Variants in ATP10B observed in about 807,000 individuals in gnomAD.
The protein encoded by ATP10B is phospholipid-transporting ATPase VB.
In ATP10B, 122 loss-of-function variants were observed where a neutral mutation model predicts 141.2. The ratio of observed to expected loss-of-function variants is 0.86; its 90% CI spans 0.75 to 1.00. ATP10B has a LOEUF of 1.00. ATP10B is among the 50% of genes least tolerant of loss of function. The pLI is 0.00. For synonymous variants in ATP10B, 685 were observed against 692.0 expected, an observed-to-expected ratio of 0.99 and a Z score of 0.16; for missense variants, 1,876 against 1,825.3, an observed-to-expected ratio of 1.03 and a Z score of -0.51.
chr5:160,875,312 T>C, the ATP10B span, among the ~76,000 whole-genome samples: 1 of 78,886 alleles, frequency 1.3e-5, no homozygotes, highest in Admixed American at 1.3e-4. Flanking sequence ...AGAAATAAAA[T>C]ACTTTACAGA....
At chr5:160,919,223 C>CAAAAAAAAAATAAA in the ATP10B span, among the ~76,000 whole-genome samples, 1 of 26,964 alleles carries the variant, frequency 3.7e-5, no homozygotes, top group Non-Finnish European at 6.2e-5. Flanking sequence ...AACTCCGTCT[C>CAAAAAAAAAATAAA]AAAAAAAAAA....
chr5:160,861,446 T>A, the ATP10B span, among the ~76,000 whole-genome samples: 1 of 151,924 alleles, frequency 6.6e-6, no homozygotes, highest in Non-Finnish European at 1.5e-5. Context: ...TGAATACTGA[T>A]GTTGAAATGT....
intron 1 of ATP10B, among the ~76,000 whole-genome samples, chr5:160,847,866 C>T (rs534342344): frequency 5.9e-5 from 9 of 152,200 alleles, no homozygotes; most frequent in Middle Eastern, 3.4e-3. Flanking sequence ...TTTCTAGTGT[C>T]GGTATTGCTT....
intron 1 of ATP10B, among the ~76,000 whole-genome samples, chr5:160,786,963 G>T (rs1027118919): frequency 1.3e-5 from 2 of 151,930 alleles, no homozygotes; most frequent in Non-Finnish European, 2.9e-5. Flanking sequence ...CTCTCTGGTG[G>T]CCTGTGACTA....
chr5:160,926,799 C>A, the ATP10B span, among the ~76,000 whole-genome samples: 1 of 152,216 alleles, frequency 6.6e-6, no homozygotes, highest in Non-Finnish European at 1.5e-5. Context: ...AAAAAGAAAT[C>A]CTGCCTAGAA....
At chr5:160,751,140 T>C (rs1299385038) in intron 2 of ATP10B, among the ~76,000 whole-genome samples, 1 of 152,240 alleles carries the variant, frequency 6.6e-6, no homozygotes, top group Non-Finnish European at 1.5e-5. Flanking sequence ...ATGTGCATTA[T>C]TAAGCACAGC....
chr5:160,912,475 T>C, the ATP10B span, among the ~76,000 whole-genome samples: 32 of 148,858 alleles, frequency 2.1e-4, no homozygotes, highest in Admixed American at 1.8e-3. Flanking sequence ...GGTGCACACC[T>C]GTAGTCCCAG....
intron 2 of ATP10B, among the ~76,000 whole-genome samples, chr5:160,766,045 TA>T (rs899262976): frequency 7.3e-5 from 11 of 151,550 alleles, no homozygotes; most frequent in Admixed American, 1.3e-4. Context: ...CATTTAAAAA[TA>T]AAAAAAATAG....
chr5:160,602,704 T>C lies in ATP10B; in HGVS notation c.3238-2A>G. The C allele has an allele frequency of 6.2e-7, 1 of 1,613,700 alleles. No individual in the cohort carries two copies. Among genetic ancestry groups the C allele is most frequent in the Non-Finnish European group, 8.5e-7 (1 of 1,179,688 alleles). Reference sequence around the variant, plus strand: ...GGCAAAGTCGCTGGACATGACAGCCTGAGAGGTGAGAACAGACACATCAGC... The same window carrying C: ...GGCAAAGTCGCTGGACATGACAGCCCGAGAGGTGAGAACAGACACATCAGC... On this transcript the variant is annotated splice_acceptor_variant, in intron 20 of 25. Coordinates refer to ENST00000327245, the MANE Select transcript of ATP10B (RefSeq NM_025153.3). LOFTEE classifies it high-confidence loss of function.
chr5:160,574,389 C>T (rs551404858), intron 24 of ATP10B, among the ~76,000 whole-genome samples: 5 of 152,226 alleles, frequency 3.3e-5, no homozygotes, highest in South Asian at 2.1e-4. Context: ...GCCCAGATTG[C>T]GCCACTGCAC....
rs533727381 is a variant in ATP10B at position 160,838,982 on chromosome 5, G to T, written c.-576+12959C>A. ...TTCTCCCTCTCTTGCTCCCACTCTTGCCATGTGAGGTGCAAGCTCCTGCTT... is the reference window on the plus strand; with the variant it reads ...TTCTCCCTCTCTTGCTCCCACTCTTTCCATGTGAGGTGCAAGCTCCTGCTT... On this transcript the variant is annotated intron_variant, in intron 1 of 25. Transcript: ENST00000327245. Among the ~76,000 whole-genome samples, 8 of 152,210 alleles carry T rather than the reference G, an allele frequency of 5.3e-5. No homozygotes were observed. In the South Asian group the frequency reaches 1.7e-3, roughly 32 times the overall value.
intron 2 of ATP10B, among the ~76,000 whole-genome samples, chr5:160,773,466 A>T (rs1399094414): frequency 6.6e-6 from 1 of 152,162 alleles, no homozygotes; most frequent in African/African-American, 2.4e-5. Flanking sequence ...TTTCTGGGGT[A>T]ATTTCCAGCT....
intron 1 of ATP10B, among the ~76,000 whole-genome samples, chr5:160,817,907 C>T (rs1773784080): frequency 6.6e-6 from 1 of 152,176 alleles, no homozygotes. Flanking sequence ...GAAACGATTC[C>T]CTATTTAATA....
At chr5:160,771,561 T>C (rs986273490) in intron 2 of ATP10B, among the ~76,000 whole-genome samples, 5 of 152,242 alleles carry the variant, frequency 3.3e-5, no homozygotes, top group Middle Eastern at 3.2e-3. Flanking sequence ...CTCAACGTGA[T>C]ATTTTGATGT....
At chr5:160,893,953 C>T in the ATP10B span, among the ~76,000 whole-genome samples, 112 of 152,248 alleles carry the variant, frequency 7.4e-4, no homozygotes, top group Non-Finnish European at 1.2e-3. Context: ...GCAGAGGGGG[C>T]TGACTCTTAG....
chr5:160,739,019 CA>C (rs1767293987), intron 2 of ATP10B, among the ~76,000 whole-genome samples: 1 of 151,964 alleles, frequency 6.6e-6, no homozygotes, highest in Non-Finnish European at 1.5e-5. Context: ...TCCAGGAAAT[CA>C]AGGTTGGATT....
intron 2 of ATP10B, 100 bp downstream of exon 2, chr5:160,785,459 A>G: frequency 3.0e-6 from 1 of 328,458 alleles, no homozygotes; most frequent in Non-Finnish European, 5.9e-6. Flanking sequence ...TTTAATTTAG[A>G]CTCAGAGGGT....
intron 22 of ATP10B, 30 bp from the exon 23 acceptor site, chr5:160,591,169 C>A: frequency 6.3e-7 from 1 of 1,590,096 alleles, no homozygotes; most frequent in Non-Finnish European, 8.6e-7. Flanking sequence ...CAATAATTAT[C>A]ACCCTTATAG....
intron 1 of ATP10B, among the ~76,000 whole-genome samples, chr5:160,798,744 ATT>A (rs35866347): frequency 0.14 from 13,884 of 102,410 alleles, 651 homozygotes; most frequent in East Asian, 0.31. Flanking sequence ...CTTTTTCTCT[ATT>A]TTTTTTTTTT....
Sources: gnomAD v4.1 joint callset for allele counts (sites outside exome capture counted in the v4.1 genomes callset) on GRCh38, gnomAD v4.1.1 for gene constraint, MANE v1.5 for transcripts, NCBI Gene and HGNC (gene_info 2026-07-23, HGNC 2026-07-21) for gene names.